Variants in TCERG1L observed in about 807,000 individuals in gnomAD.
The protein encoded by TCERG1L is transcription elongation regulator 1 like.
In TCERG1L, 37 loss-of-function variants were observed where a neutral mutation model predicts 56.3. That is an observed-to-expected ratio of 0.66 (90% confidence interval 0.51 to 0.87). TCERG1L has a LOEUF of 0.87. TCERG1L is among the 40% of genes least tolerant of loss of function. The pLI is 0.00. For missense variants in TCERG1L, 799 were observed against 774.2 expected (o/e 1.03, Z -0.38); for synonymous variants, 324 against 326.3 (o/e 0.99, Z 0.08).
At chr10:131,148,696 C>CTGGAGAAAGGAA (rs1845830208) in intron 6 of TCERG1L, among the ~76,000 whole-genome samples, 2 of 152,168 alleles carry the variant, frequency 1.3e-5, no homozygotes, top group East Asian at 1.9e-4. Context: ...GAATCACGAG[C>CTGGAGAAAGGAA]TCAGGGTTGC....
intron 4 of TCERG1L, among the ~76,000 whole-genome samples, chr10:131,253,644 T>A (rs1846135302): frequency 6.6e-6 from 1 of 152,104 alleles, no homozygotes; most frequent in Non-Finnish European, 1.5e-5. Context: ...GCTGGGTGGG[T>A]GTGCGATGAA....
chr10:131,303,130 T>C (rs1589778383), intron 3 of TCERG1L, among the ~76,000 whole-genome samples: 1 of 152,200 alleles, frequency 6.6e-6, no homozygotes, highest in African/African-American at 2.4e-5. Context: ...TATAATCCTC[T>C]GGGTATATAC....
chr10:131,186,701 C>A (rs893087070), intron 4 of TCERG1L, among the ~76,000 whole-genome samples: 1 of 152,172 alleles, frequency 6.6e-6, no homozygotes, highest in African/African-American at 2.4e-5. Context: ...GTGCCTCTGG[C>A]GAGAAGGCAG....
chr10:131,277,501 C>T (rs1318674092), intron 3 of TCERG1L, among the ~76,000 whole-genome samples: 1 of 152,224 alleles, frequency 6.6e-6, no homozygotes, highest in Non-Finnish European at 1.5e-5. Context: ...CTGGCGAGCA[C>T]ACTGATGCCC....
chr10:131,174,705 AC>A lies in TCERG1L; in HGVS notation c.857-7821del, dbSNP rs139843863. Among the ~76,000 whole-genome samples, 372 of 152,296 alleles carry A rather than the reference AC, an allele frequency of 2.4e-3. 1 individual carries two copies. The highest frequency in any genetic ancestry group is 0.014 in the Middle Eastern group (4 of 294). On this transcript the variant is annotated intron_variant, in intron 4 of 11. Coordinates refer to ENST00000368642, the MANE Select transcript of TCERG1L (RefSeq NM_174937.4). ...ACAAGCTGCAGAGAATTAATTTTCC[AC>A]CCATTTTTAACATCCTGAATTGCCC...
chr10:131,257,009 G>GAA (rs55870600), intron 4 of TCERG1L, among the ~76,000 whole-genome samples: 1 of 128,394 alleles, frequency 7.8e-6, no homozygotes, highest in Admixed American at 8.1e-5. Context: ...AAGAAAGAAA[G>GAA]AAAGAAAGAA....
intron 3 of TCERG1L, among the ~76,000 whole-genome samples, chr10:131,261,641 T>A (rs528123015): frequency 6.6e-6 from 1 of 152,338 alleles, no homozygotes; most frequent in Non-Finnish European, 1.5e-5. Flanking sequence ...CAGTCTTTAT[T>A]TAGCTGACAA....
intron 3 of TCERG1L, among the ~76,000 whole-genome samples, chr10:131,295,848 C>A (rs1846684365): frequency 6.6e-6 from 1 of 152,190 alleles, no homozygotes; most frequent in South Asian, 2.1e-4. Flanking sequence ...TCTCTAGCTA[C>A]AATTTTGTAG....
At chr10:131,195,712 T>G (rs1375192764) in intron 4 of TCERG1L, among the ~76,000 whole-genome samples, 1 of 152,212 alleles carries the variant, frequency 6.6e-6, no homozygotes, top group East Asian at 1.9e-4. Flanking sequence ...CTCGGCCTGC[T>G]GTGTCCCACC....
chr10:131,268,495 T>C (rs934100597), intron 3 of TCERG1L, among the ~76,000 whole-genome samples: 18 of 152,216 alleles, frequency 1.2e-4, no homozygotes, highest in South Asian at 4.1e-4. Context: ...CCTAACCAGA[T>C]AGTCATCAGT....
At chr10:131,309,850 A>AAAAAAAAAAAAAAAAAT (rs1846863338) in intron 1 of TCERG1L, among the ~76,000 whole-genome samples, 1 of 150,132 alleles carries the variant, frequency 6.7e-6, no homozygotes. Flanking sequence ...AAAAAAAAAA[A>AAAAAAAAAAAAAAAAAT]AAAAAAAAAC....
chr10:131,162,912 G>A (rs1028218980), intron 6 of TCERG1L: 1 of 494,734 alleles, frequency 2.0e-6, no homozygotes, highest in African/African-American at 1.9e-5. Flanking sequence ...AGACAGATCA[G>A]AGCAGGATAG....
At chr10:131,234,310 T>G (rs143615020) in intron 4 of TCERG1L, among the ~76,000 whole-genome samples, 26 of 152,352 alleles carry the variant, frequency 1.7e-4, no homozygotes, top group Non-Finnish European at 2.9e-4. Context: ...TACTTCATAG[T>G]AAGATAGGCT....
intron 4 of TCERG1L, among the ~76,000 whole-genome samples, chr10:131,194,658 T>C (rs56138096): frequency 0.036 from 5,497 of 152,324 alleles, 182 homozygotes; most frequent in Non-Finnish European, 0.056. Flanking sequence ...GGAAGTTTTA[T>C]GGTTTCATTT....
intron 3 of TCERG1L, among the ~76,000 whole-genome samples, chr10:131,287,889 G>A (rs776595011): frequency 5.3e-5 from 8 of 152,164 alleles, no homozygotes; most frequent in African/African-American, 1.2e-4. Flanking sequence ...TTTTGAACCC[G>A]GCAGTCTGTG....
intron 6 of TCERG1L, among the ~76,000 whole-genome samples, chr10:131,157,381 T>C (rs1004490244): frequency 3.3e-5 from 5 of 152,216 alleles, no homozygotes; most frequent in African/African-American, 4.8e-5. Flanking sequence ...CGTAAATCTA[T>C]AGTATTTTAA....
chr10:131,170,987 A>T (rs1190866588), intron 4 of TCERG1L, among the ~76,000 whole-genome samples: 1 of 152,138 alleles, frequency 6.6e-6, no homozygotes, highest in Non-Finnish European at 1.5e-5. Context: ...CTCTACTAAA[A>T]ATACAAAAAT....
intron 4 of TCERG1L, among the ~76,000 whole-genome samples, chr10:131,178,565 G>A (rs559134310): frequency 1.3e-5 from 2 of 152,154 alleles, no homozygotes; most frequent in Non-Finnish European, 2.9e-5. Context: ...TCAGGGCCTG[G>A]GAAGAGGCAC....
chr10:131,136,710 G>C (rs933488450), intron 7 of TCERG1L, among the ~76,000 whole-genome samples: 2 of 151,638 alleles, frequency 1.3e-5, no homozygotes, highest in African/African-American at 4.8e-5. Flanking sequence ...TGGCCAGGTT[G>C]GTCTTGAACT....
Sources: allele counts gnomAD v4.1 joint callset (sites outside exome capture counted in the v4.1 genomes callset), GRCh38; gene constraint gnomAD v4.1.1; transcripts MANE v1.5; gene names NCBI Gene and HGNC (gene_info 2026-07-23, HGNC 2026-07-21).